Variants in AGK observed in about 807,000 individuals in gnomAD.
The protein encoded by AGK is acylglycerol kinase.
AGK carries 52 observed loss-of-function variants against 66.4 expected under a neutral mutation model. The ratio of observed to expected loss-of-function variants is 0.78; its 90% CI spans 0.63 to 0.99. The LOEUF (loss-of-function observed/expected upper bound fraction) is 0.99. Ranked by LOEUF, AGK falls within the 50% of genes least tolerant of loss-of-function variation. AGK has a pLI of 0.00. For synonymous variants in AGK, 182 were observed against 181.1 expected (o/e 1.00, Z -0.04); for missense variants, 451 against 506.6 (o/e 0.89, Z 1.05).
chr7:141,605,924 G>A (rs1265092275), intron 5 of AGK, among the ~76,000 whole-genome samples: 3 of 152,130 alleles, frequency 2.0e-5, no homozygotes, highest in African/African-American at 7.2e-5. Context: ...ATTTTGAGAA[G>A]AAATCTGTTT....
At chr7:141,643,430 A>G (rs1797333899) in intron 13 of AGK, among the ~76,000 whole-genome samples, 1 of 152,200 alleles carries the variant, frequency 6.6e-6, no homozygotes, top group Admixed American at 6.5e-5. Context: ...CTCTCTAAGC[A>G]TGACATTTAA....
chr7:141,555,638 A>G lies in AGK; in HGVS notation c.101+71A>G. On this transcript the variant is annotated intron_variant, in intron 2 of 15. Transcript: ENST00000649286. The surrounding 1 kb of genome is among the most constrained non-coding windows in gnomAD (Gnocchi z 4.2). Reference sequence around the variant, plus strand: ...CAGCCCCAAAGGGCCTCAGGTTAAAATCTTGCTCAGCTGTGCTTATCCCTA... The same window carrying G: ...CAGCCCCAAAGGGCCTCAGGTTAAAGTCTTGCTCAGCTGTGCTTATCCCTA... 1 of 1,159,506 alleles carries G rather than the reference A, an allele frequency of 8.6e-7. No homozygotes were observed. Among genetic ancestry groups the G allele is most frequent in the Admixed American group, 2.0e-5 (1 of 50,442 alleles). 71.8% of individuals were successfully genotyped at this position (1,159,506 alleles called of 1,614,324 possible). A position where few individuals can be genotyped will look rare whatever the true frequency, so the allele number is the denominator to read the frequency against.
At chr7:141,561,036 G>A (rs912581501) in intron 2 of AGK, among the ~76,000 whole-genome samples, 3 of 151,980 alleles carry the variant, frequency 2.0e-5, no homozygotes, top group African/African-American at 4.8e-5. Flanking sequence ...CTCGTGATCC[G>A]CCCGCCTCGG....
intron 2 of AGK, among the ~76,000 whole-genome samples, chr7:141,559,676 AT>A (rs1399438661): frequency 2.6e-5 from 4 of 152,162 alleles, no homozygotes; most frequent in African/African-American, 9.7e-5. Context: ...GAATCTGTAC[AT>A]TGTTTTGTAG....
chr7:141,598,581 G>A lies in AGK; in HGVS notation c.221+1940G>A, dbSNP rs1796275266. Reference sequence around the variant, plus strand: ...ATTATTATGTGGAATAGGGACCTTTGGTATTAAATGAGATAATGCTTATTA... The same window carrying A: ...ATTATTATGTGGAATAGGGACCTTTAGTATTAAATGAGATAATGCTTATTA... On this transcript the variant is annotated intron_variant, in intron 4 of 15. Coordinates refer to ENST00000649286, the MANE Select transcript of AGK (RefSeq NM_018238.4). This position sits in a 1 kb window ranked among gnomAD's most constrained non-coding sequence, Gnocchi z 4.2. Among the ~76,000 whole-genome samples the A allele has an allele frequency of 6.6e-6, 1 of 152,082 alleles. No homozygotes were observed. Among genetic ancestry groups the A allele is most frequent in the Non-Finnish European group, 1.5e-5 (1 of 68,010 alleles).
intron 2 of AGK, among the ~76,000 whole-genome samples, chr7:141,569,261 C>A (rs1056252677): frequency 1.3e-5 from 2 of 152,100 alleles, no homozygotes; most frequent in South Asian, 4.2e-4. Flanking sequence ...ATAGGCTGGG[C>A]GTGGTGGCTC....
intron 2 of AGK, among the ~76,000 whole-genome samples, chr7:141,581,130 C>A (rs892696477): frequency 2.0e-5 from 3 of 151,728 alleles, no homozygotes; most frequent in Non-Finnish European, 4.4e-5. Context: ...AGAATTATGC[C>A]GATATACGTA....
At chr7:141,638,067 A>C (rs767575709) in intron 11 of AGK, among the ~76,000 whole-genome samples, 9 of 152,202 alleles carry the variant, frequency 5.9e-5, no homozygotes, top group Non-Finnish European at 1.2e-4. Context: ...TGTTGCCACT[A>C]TTTATTCAGC....
In AGK at chr7:141,555,335, T is replaced by C; in HGVS notation, c.-14-118T>C. 1.7e-6 allele frequency: 1 copy of C among 597,752 alleles called. No individual in the cohort carries two copies. Among genetic ancestry groups the C allele is most frequent in the South Asian group, 2.4e-5 (1 of 41,204 alleles). The allele number at this position is 597,752 out of a possible 1,614,324, so 37.0% of individuals were successfully genotyped here. On this transcript the variant is annotated intron_variant, in intron 1 of 15. Transcript: ENST00000649286. This position sits in a 1 kb window ranked among gnomAD's most constrained non-coding sequence, Gnocchi z 4.2. ...GAGAAGTGGTAAGGAGGAAGAGGAG[T>C]GAGTGGGAAAAAAAGGAGTGAGAGA...
chr7:141,575,540 G>T (rs1398314552), intron 2 of AGK, among the ~76,000 whole-genome samples: 1 of 151,848 alleles, frequency 6.6e-6, no homozygotes, highest in African/African-American at 2.4e-5. Context: ...GGGTTTCAGG[G>T]TGTGTAGAGA....
chr7:141,609,530 A>G (rs1200303784), intron 5 of AGK, among the ~76,000 whole-genome samples: 2 of 152,258 alleles, frequency 1.3e-5, no homozygotes, highest in African/African-American at 4.8e-5. Context: ...TAGAGCTTCT[A>G]TGCCCTCTGT....
At chr7:141,588,594 G>A (rs1017051655) in intron 2 of AGK, among the ~76,000 whole-genome samples, 1 of 151,754 alleles carries the variant, frequency 6.6e-6, no homozygotes, top group African/African-American at 2.4e-5. Context: ...CCAGCCTGGG[G>A]GACAGAGTGA....
intron 2 of AGK, among the ~76,000 whole-genome samples, chr7:141,591,096 T>G (rs1385461158): frequency 9.6e-5 from 13 of 135,618 alleles, no homozygotes; most frequent in East Asian, 4.2e-4. Flanking sequence ...TTTTTTTTTT[T>G]TTTTTTTTTT....
chr7:141,591,365 T>TTA (rs1369470253), intron 2 of AGK, among the ~76,000 whole-genome samples: 1 of 152,122 alleles, frequency 6.6e-6, no homozygotes, highest in East Asian at 1.9e-4. Context: ...AGTGCTAAGA[T>TTA]TACAGGTGTG....
intron 10 of AGK, 114 bp downstream of exon 10, chr7:141,634,094 G>T: frequency 1.1e-6 from 1 of 884,060 alleles, no homozygotes; most frequent in South Asian, 1.4e-5. Flanking sequence ...TGGGCCTGGA[G>T]GTTGAATTAT....
chr7:141,597,889 TCAAAAAAAAAAAA>T (rs767754562), intron 4 of AGK, among the ~76,000 whole-genome samples: 2 of 25,716 alleles, frequency 7.8e-5, no homozygotes, highest in Non-Finnish European at 6.9e-5. Flanking sequence ...AGACTCTGTC[TCAAAAAAAAAAAA>T]AAAAAAAAAA....
At chr7:141,566,642 T>C (rs1795477414) in intron 2 of AGK, among the ~76,000 whole-genome samples, 1 of 152,178 alleles carries the variant, frequency 6.6e-6, no homozygotes, top group South Asian at 2.1e-4. Context: ...TCAAAGAGAA[T>C]ATAAAAAACA....
At chr7:141,619,458 CAACA>C (rs1202227504) in intron 8 of AGK, among the ~76,000 whole-genome samples, 2 of 151,890 alleles carry the variant, frequency 1.3e-5, no homozygotes, top group Non-Finnish European at 2.9e-5. Context: ...CAGTTTTTTT[CAACA>C]AACAGTATTG....
chr7:141,575,937 C>T (rs922496310), intron 2 of AGK, among the ~76,000 whole-genome samples: 2 of 152,068 alleles, frequency 1.3e-5, no homozygotes, highest in Non-Finnish European at 2.9e-5. Context: ...GTTCATTCCT[C>T]ATTCCTTGGA....
Sources: gnomAD v4.1 joint callset for allele counts (sites outside exome capture counted in the v4.1 genomes callset) on GRCh38, gnomAD v4.1.1 for gene constraint, Gnocchi (gnomAD v3.1) non-coding constraint, MANE v1.5 for transcripts, NCBI Gene and HGNC (gene_info 2026-07-23, HGNC 2026-07-21) for gene names.